The following MEI4 variants were observed in gnomAD, a reference collection of about 807,000 sequenced individuals.
MEI4 encodes the protein meiosis-specific protein MEI4.
In MEI4, 27 loss-of-function variants were observed where a neutral mutation model predicts 31.4. The observed-to-expected ratio is 0.86, with a 90% CI of 0.63 to 1.19. The LOEUF is 1.19. Ranked by LOEUF, MEI4 falls within the 50% of genes most tolerant of loss-of-function variation. The pLI, the probability that MEI4 is intolerant of heterozygous loss-of-function variation, is 0.00. For synonymous variants in MEI4, 122 were observed against 145.4 expected (o/e 0.84, Z 1.16); for missense variants, 329 against 398.9 (o/e 0.82, Z 1.49).
Position 77,800,240 on chromosome 6 carries a change from T to A in MEI4, c.769-28691T>A, listed in dbSNP as rs1288520549. Among the ~76,000 whole-genome samples the A allele has an allele frequency of 2.0e-5, 3 of 152,158 alleles. No individual in the cohort carries two copies. In the East Asian group the frequency reaches 5.8e-4, roughly 29 times the overall value. ...CTTGTAAGTTGGATTCCTAGGTATT[T>A]TATTCTCTTTGAAGCAATTGTGAAT... On this transcript the variant is annotated intron_variant, in intron 3 of 4. Transcript: ENST00000684080.
At chr6:77,713,813 TG>T (rs1172331317) in intron 2 of MEI4, among the ~76,000 whole-genome samples, 1 of 152,230 alleles carries the variant, frequency 6.6e-6, no homozygotes, top group East Asian at 1.9e-4. Flanking sequence ...CAATGAGCTT[TG>T]TGATTTCTGT....
At chr6:77,834,821 C>T (rs1431990513) in intron 4 of MEI4, among the ~76,000 whole-genome samples, 6 of 152,210 alleles carry the variant, frequency 3.9e-5, no homozygotes, top group South Asian at 2.1e-4. Flanking sequence ...CCCTTTCCCC[C>T]GCTCTCCCAA....
At chr6:77,912,983 CCTTCTA>C (rs1400571616) in intron 4 of MEI4, among the ~76,000 whole-genome samples, 1 of 151,972 alleles carries the variant, frequency 6.6e-6, no homozygotes, top group Non-Finnish European at 1.5e-5. Context: ...GAAGTATGTT[CCTTCTA>C]TGACTAGTTT....
chr6:77,737,680 G>A (rs759828545), intron 2 of MEI4, among the ~76,000 whole-genome samples: 2 of 152,172 alleles, frequency 1.3e-5, no homozygotes, highest in Non-Finnish European at 2.9e-5. Context: ...GTGGGAGTGA[G>A]GAGAGCATCA....
chr6:77,674,417 G>C (rs1768802895), intron 1 of MEI4, among the ~76,000 whole-genome samples: 1 of 152,068 alleles, frequency 6.6e-6, no homozygotes, highest in Non-Finnish European at 1.5e-5. Context: ...TGGTAATACT[G>C]TAAGATTATA....
At chr6:77,919,905 T>C (rs1206701530) in intron 4 of MEI4, among the ~76,000 whole-genome samples, 2 of 149,130 alleles carry the variant, frequency 1.3e-5, no homozygotes, top group East Asian at 4.1e-4. Context: ...CTAGAAGAAA[T>C]GGATAAATTC....
chr6:77,678,742 A>G (rs957438135), intron 1 of MEI4, among the ~76,000 whole-genome samples: 19 of 152,316 alleles, frequency 1.2e-4, no homozygotes, highest in Middle Eastern at 3.4e-3. Context: ...GATAATTGCA[A>G]AAGAGTCTCA....
At chr6:77,668,159 T>C (rs1293140133) in intron 1 of MEI4, among the ~76,000 whole-genome samples, 1 of 152,090 alleles carries the variant, frequency 6.6e-6, no homozygotes, top group African/African-American at 2.4e-5. Flanking sequence ...AAGGACTCAT[T>C]AGAGGGGCTG....
chr6:77,712,438 C>T (rs899054193), intron 2 of MEI4, among the ~76,000 whole-genome samples: 64 of 152,104 alleles, frequency 4.2e-4, no homozygotes, highest in African/African-American at 1.5e-3. Context: ...AACTTTATGG[C>T]ATGAATATCA....
At chr6:77,671,324 T>C (rs1218327188) in intron 1 of MEI4, among the ~76,000 whole-genome samples, 1 of 152,060 alleles carries the variant, frequency 6.6e-6, no homozygotes, top group African/African-American at 2.4e-5. Flanking sequence ...CCTCCCAAAG[T>C]GTTAGGATTA....
intron 3 of MEI4, among the ~76,000 whole-genome samples, chr6:77,774,062 G>A (rs192023634): frequency 6.6e-6 from 1 of 152,176 alleles, no homozygotes; most frequent in East Asian, 1.9e-4. Flanking sequence ...TACACTGTTG[G>A]TGTAAATGTA....
At chr6:77,720,684 T>C (rs1766690443) in intron 2 of MEI4, among the ~76,000 whole-genome samples, 1 of 86,778 alleles carries the variant, frequency 1.2e-5, no homozygotes, top group Non-Finnish European at 2.3e-5. Flanking sequence ...ATTTGTTTTT[T>C]AATCCTGCTG....
chr6:77,687,813 C>T (rs1204293429), intron 1 of MEI4, among the ~76,000 whole-genome samples: 2 of 152,102 alleles, frequency 1.3e-5, no homozygotes, highest in Non-Finnish European at 2.9e-5. Flanking sequence ...ACCTTCTTAG[C>T]ATCCTGATGT....
intron 4 of MEI4, among the ~76,000 whole-genome samples, chr6:77,889,310 A>G (rs1771700919): frequency 6.6e-6 from 1 of 152,186 alleles, no homozygotes; most frequent in South Asian, 2.1e-4. Context: ...CAAAATGCTG[A>G]TAATGATATA....
rs766054284 is a variant in MEI4 at position 77,926,967 on chromosome 6, T to A, written c.*3621T>A. ...AAATTTATCTGGTTAATAAATATAC[T>A]GGTCTTGTAAGAACTTTCTAAATAT... On this transcript the variant is annotated 3_prime_UTR_variant, in exon 5 of 5. Coordinates refer to ENST00000684080, the MANE Select transcript of MEI4 (RefSeq NM_001322247.2). The A allele has an allele frequency of 2.0e-4, 31 of 152,026 alleles. No homozygotes were observed. The highest frequency in any genetic ancestry group is 3.4e-3 in the Middle Eastern group (1 of 294). The allele number at this position is 152,026 out of a possible 1,614,324, so 9.4% of individuals were successfully genotyped here.
At chr6:77,790,219 G>T (rs556943160) in intron 3 of MEI4, among the ~76,000 whole-genome samples, 4 of 141,388 alleles carry the variant, frequency 2.8e-5, no homozygotes, top group Non-Finnish European at 6.1e-5. Flanking sequence ...ACATGGACAC[G>T]GCAAGTGGAA....
chr6:77,897,877 C>T (rs9443486), intron 4 of MEI4, among the ~76,000 whole-genome samples: 11,980 of 152,014 alleles, frequency 0.079, 1,464 homozygotes, highest in African/African-American at 0.26. Flanking sequence ...ATTAACTGTA[C>T]TCTGCTCTAA....
In MEI4 at chr6:77,892,569, G is replaced by C. The variant is rs183012430; in HGVS notation, c.901-30520G>C. On this transcript the variant is annotated intron_variant, in intron 4 of 4. Coordinates refer to ENST00000684080, the MANE Select transcript of MEI4 (RefSeq NM_001322247.2). The stretch of plus-strand genomic sequence containing the variant: ...TACTGCTGGAGGGGGCAGGGTTACT[G>C]TCAGTGGCATCAGTCTCAAGCAGGT... Among the ~76,000 whole-genome samples the C allele has an allele frequency of 7.2e-5, 11 of 152,194 alleles. No homozygotes were observed. The East Asian group carries it at 2.0e-3, about 27-fold the overall frequency.
intron 2 of MEI4, among the ~76,000 whole-genome samples, chr6:77,727,286 G>T (rs777543280): frequency 3.3e-5 from 5 of 152,092 alleles, no homozygotes; most frequent in Non-Finnish European, 7.4e-5. Context: ...TGCATATTAT[G>T]GCCTATATTA....
Sources: allele counts gnomAD v4.1 joint callset (sites outside exome capture counted in the v4.1 genomes callset), GRCh38; gene constraint gnomAD v4.1.1; transcripts MANE v1.5; gene names NCBI Gene and HGNC (gene_info 2026-07-23, HGNC 2026-07-21).